The following KCNIP4 variants were observed in gnomAD, a reference collection of about 807,000 sequenced individuals.
KCNIP4 encodes the protein potassium voltage-gated channel interacting protein 4.
A neutral mutation model predicts 34.0 loss-of-function variants in KCNIP4; 12 were observed. The ratio of observed to expected loss-of-function variants is 0.35; its 90% confidence interval spans 0.23 to 0.57. The LOEUF is 0.57. Ranked by LOEUF, KCNIP4 falls within the 20% of genes least tolerant of loss-of-function variation. KCNIP4 has a pLI of 0.83. For missense variants in KCNIP4, 238 were observed against 311.7 expected (o/e 0.76, Z 1.78); for synonymous variants, 124 against 102.2 (o/e 1.21, Z -1.29).
chr4:21,503,928 G>C (rs1221478869), intron 1 of KCNIP4, among the ~76,000 whole-genome samples: 1 of 152,162 alleles, frequency 6.6e-6, no homozygotes, highest in Non-Finnish European at 1.5e-5. Flanking sequence ...TATCCACATA[G>C]AATAGTGACT....
At chr4:21,633,028 G>T (rs1745873123) in intron 1 of KCNIP4, among the ~76,000 whole-genome samples, 1 of 151,974 alleles carries the variant, frequency 6.6e-6, no homozygotes, top group East Asian at 1.9e-4. Context: ...ACACTCTTCG[G>T]GTCACAGACG....
rs1473401249 is a variant in KCNIP4 at position 21,284,720 on chromosome 4, G to A, written c.62-402011C>T. Reference sequence around the variant, plus strand: ...TAAATATACCTGTTCCTGTTACTGCGCATGTGGGTGCCCTTGTGTGTGTGT... The same window carrying A: ...TAAATATACCTGTTCCTGTTACTGCACATGTGGGTGCCCTTGTGTGTGTGT... On this transcript the variant is annotated intron_variant, in intron 1 of 8. Coordinates refer to ENST00000382152, the MANE Select transcript of KCNIP4 (RefSeq NM_025221.6). Among the ~76,000 whole-genome samples, 6 of 144,628 alleles carry A rather than the reference G, an allele frequency of 4.1e-5. No homozygotes were observed. The East Asian group carries it at 6.0e-4, about 14-fold the overall frequency. 94.9% of individuals were successfully genotyped at this position (144,628 alleles called of 152,430 possible).
chr4:21,900,399 C>T (rs35711081), intron 1 of KCNIP4, among the ~76,000 whole-genome samples: 22,294 of 152,054 alleles, frequency 0.15, 2,007 homozygotes, highest in Non-Finnish European at 0.2. Flanking sequence ...TTTGGTTGAC[C>T]GATTCATTTC....
intron 1 of KCNIP4, among the ~76,000 whole-genome samples, chr4:21,702,953 A>T (rs887388388): frequency 6.7e-6 from 1 of 150,258 alleles, no homozygotes; most frequent in Non-Finnish European, 1.5e-5. Context: ...CAATATTTAA[A>T]AAATCAAAGT....
At chr4:21,603,293 A>AAGAG (rs2109125557) in intron 1 of KCNIP4, among the ~76,000 whole-genome samples, 1 of 152,278 alleles carries the variant, frequency 6.6e-6, no homozygotes, top group Non-Finnish European at 1.5e-5. Context: ...ATAAAGCCAT[A>AAGAG]AGAGATCATA....
At chr4:21,417,937 A>T (rs1322953265) in intron 1 of KCNIP4, among the ~76,000 whole-genome samples, 1 of 152,148 alleles carries the variant, frequency 6.6e-6, no homozygotes, top group Non-Finnish European at 1.5e-5. Context: ...GAATGGAAGT[A>T]AGTATTTAAA....
intron 3 of KCNIP4, among the ~76,000 whole-genome samples, chr4:20,836,482 T>C (rs1719051461): frequency 6.6e-6 from 1 of 152,192 alleles, no homozygotes; most frequent in African/African-American, 2.4e-5. Flanking sequence ...CATCTGTGGA[T>C]TTATTTTAAA....
chr4:21,566,444 G>A (rs569905626), intron 1 of KCNIP4, among the ~76,000 whole-genome samples: 16 of 152,116 alleles, frequency 1.1e-4, no homozygotes, highest in African/African-American at 3.1e-4. Context: ...AGGAGATCTG[G>A]TTGTTTAAAA....
chr4:21,890,254 A>T (rs80154420), intron 1 of KCNIP4, among the ~76,000 whole-genome samples: 1 of 152,268 alleles, frequency 6.6e-6, no homozygotes, highest in Non-Finnish European at 1.5e-5. Context: ...ATGCTTGACC[A>T]GAGGCAGACT....
chr4:21,880,088 T>C (rs1158718046), intron 1 of KCNIP4, among the ~76,000 whole-genome samples: 2 of 152,158 alleles, frequency 1.3e-5, no homozygotes, highest in Non-Finnish European at 2.9e-5. Context: ...GTATGTCTTA[T>C]TAGCGGCGTG....
chr4:21,207,256 G>A (rs1170583054), intron 1 of KCNIP4, among the ~76,000 whole-genome samples: 1 of 152,172 alleles, frequency 6.6e-6, no homozygotes, highest in Non-Finnish European at 1.5e-5. Context: ...AAGAGTTAAA[G>A]ATGAGCTTGG....
At chr4:21,597,146 A>C (rs892365474) in intron 1 of KCNIP4, among the ~76,000 whole-genome samples, 1 of 152,034 alleles carries the variant, frequency 6.6e-6, no homozygotes, top group Non-Finnish European at 1.5e-5. Flanking sequence ...TAATTCTCAC[A>C]TGTTGTGGGA....
At chr4:21,123,854 G>A (rs1336072616) in intron 1 of KCNIP4, among the ~76,000 whole-genome samples, 2 of 152,040 alleles carry the variant, frequency 1.3e-5, no homozygotes, top group African/African-American at 4.8e-5. Context: ...GCAAGCATGT[G>A]GCTGTCTCCG....
chr4:21,724,572 T>TA (rs1353920369), intron 1 of KCNIP4, among the ~76,000 whole-genome samples: 1 of 146,092 alleles, frequency 6.8e-6, no homozygotes, highest in African/African-American at 2.5e-5. Context: ...GTGAGGGCCT[T>TA]TTTTTTTTTT....
chr4:21,205,327 A>T (rs1756776852), intron 1 of KCNIP4, among the ~76,000 whole-genome samples: 1 of 152,204 alleles, frequency 6.6e-6, no homozygotes, highest in Non-Finnish European at 1.5e-5. Flanking sequence ...ATTAATATAG[A>T]AAGTTCTGTC....
chr4:21,220,806 C>T (rs1757933283), intron 1 of KCNIP4, among the ~76,000 whole-genome samples: 1 of 152,002 alleles, frequency 6.6e-6, no homozygotes, highest in Non-Finnish European at 1.5e-5. Flanking sequence ...TGTCTTTAAA[C>T]TTTTCAGCTA....
chr4:21,849,071 G>C (rs968520611), intron 1 of KCNIP4: 5 of 151,886 alleles, frequency 3.3e-5, no homozygotes, highest in African/African-American at 1.2e-4. Context: ...TTCCTTCTAA[G>C]AGAAACAAAA....
At chr4:21,748,580 G>C (rs566755491) in intron 1 of KCNIP4, among the ~76,000 whole-genome samples, 1 of 152,178 alleles carries the variant, frequency 6.6e-6, no homozygotes, top group South Asian at 2.1e-4. Context: ...TTGCCTAAAG[G>C]GTGGGTTTAT....
intron 3 of KCNIP4, among the ~76,000 whole-genome samples, chr4:20,774,555 A>C (rs910649957): frequency 1.3e-5 from 2 of 152,246 alleles, no homozygotes; most frequent in African/African-American, 4.8e-5. Flanking sequence ...TCCCTCCTGG[A>C]GTTTGATGAC....
Sources: gnomAD v4.1 joint callset for allele counts (sites outside exome capture counted in the v4.1 genomes callset) on GRCh38, gnomAD v4.1.1 for gene constraint, MANE v1.5 for transcripts, NCBI Gene and HGNC (gene_info 2026-07-23, HGNC 2026-07-21) for gene names.